RBFOX1: variants seen among roughly 807,000 people sequenced by gnomAD.
RBFOX1 encodes RNA binding fox-1 homolog 1.
Under a neutral mutation model 57.7 loss-of-function variants are expected in RBFOX1, and 8 were observed. The observed-to-expected ratio is 0.14, with a 90% CI of 0.08 to 0.25. The LOEUF (loss-of-function observed/expected upper bound fraction) is 0.25, where lower values mean the gene tolerates loss of function less well. RBFOX1 is among the 10% of genes least tolerant of loss of function. The pLI is 1.00. For missense variants in RBFOX1, 611 were observed against 548.5 expected, an observed-to-expected ratio of 1.11 and a Z score of -1.14; for synonymous variants, 326 against 222.4, an observed-to-expected ratio of 1.47 and a Z score of -4.15.
intron 5 of RBFOX1, among the ~76,000 whole-genome samples, chr16:7,560,895 T>G (rs960735214): frequency 1.3e-5 from 2 of 152,212 alleles, no homozygotes; most frequent in African/African-American, 4.8e-5. Context: ...GAATAAGACT[T>G]TTTTCAAGAA....
chr16:6,519,815 T>G (rs1598760056), intron 2 of RBFOX1, among the ~76,000 whole-genome samples: 1 of 152,224 alleles, frequency 6.6e-6, no homozygotes, highest in East Asian at 1.9e-4. Flanking sequence ...GTCTAAGGTC[T>G]TCATTATCTC....
intron 2 of RBFOX1, among the ~76,000 whole-genome samples, chr16:6,526,829 C>CAAAAAAAAAAA (rs541468859): frequency 2.4e-4 from 8 of 32,890 alleles, no homozygotes; most frequent in African/African-American, 7.6e-4. Context: ...GACTCTGTCT[C>CAAAAAAAAAAA]AAAAAAAAAA....
chr16:7,664,098 G>C (rs1333410068), intron 12 of RBFOX1, among the ~76,000 whole-genome samples: 1 of 152,172 alleles, frequency 6.6e-6, no homozygotes, highest in African/African-American at 2.4e-5. Context: ...ACGTGAACAT[G>C]CAGATATTCA....
intron 4 of RBFOX1, among the ~76,000 whole-genome samples, chr16:7,097,472 C>T (rs955413807): frequency 6.6e-6 from 1 of 152,110 alleles, no homozygotes; most frequent in African/African-American, 2.4e-5. Flanking sequence ...CAGAGGAGGA[C>T]AGTAAGAGAG....
intron 3 of RBFOX1, among the ~76,000 whole-genome samples, chr16:6,947,433 C>A (rs546333761): frequency 3.4e-4 from 51 of 152,218 alleles, no homozygotes; most frequent in Admixed American, 2.0e-3. Flanking sequence ...TGGAGACTGG[C>A]TTCAACTGGC....
intron 1 of RBFOX1, among the ~76,000 whole-genome samples, chr16:6,275,914 C>T (rs938119014): frequency 1.3e-5 from 2 of 152,218 alleles, no homozygotes; most frequent in East Asian, 3.9e-4. Flanking sequence ...ACTTCCCTCC[C>T]CAGTTGATAC....
At chr16:6,457,438 T>TA (rs757540836) in intron 2 of RBFOX1, among the ~76,000 whole-genome samples, 12 of 54,288 alleles carry the variant, frequency 2.2e-4, no homozygotes, top group African/African-American at 8.0e-4. Flanking sequence ...TTTCCGGAAG[T>TA]CCCCCCCCCC....
At chr16:7,053,566 A>C (rs185435717) in intron 4 of RBFOX1, among the ~76,000 whole-genome samples, 261 of 152,322 alleles carry the variant, frequency 1.7e-3, no homozygotes, top group African/African-American at 6.0e-3. Context: ...GAATTAAGAT[A>C]ATATTGAAAT....
chr16:7,399,040 T>C (rs1379693604), intron 4 of RBFOX1, among the ~76,000 whole-genome samples: 1 of 152,258 alleles, frequency 6.6e-6, no homozygotes, highest in Non-Finnish European at 1.5e-5. Flanking sequence ...TGAGTGACTG[T>C]TGGGTACTCT....
chr16:6,682,337 C>G (rs918386632), intron 3 of RBFOX1, among the ~76,000 whole-genome samples: 1 of 152,116 alleles, frequency 6.6e-6, no homozygotes, highest in Non-Finnish European at 1.5e-5. Flanking sequence ...AGAGGCGCCC[C>G]TTGTGCTTGT....
intron 2 of RBFOX1, among the ~76,000 whole-genome samples, chr16:6,374,574 G>C (rs114397369): frequency 6.6e-5 from 10 of 152,260 alleles, no homozygotes; most frequent in African/African-American, 2.4e-4. Flanking sequence ...GAAGACAAAT[G>C]CTGTGTAATG....
intron 3 of RBFOX1, among the ~76,000 whole-genome samples, chr16:6,843,860 C>G (rs1357321536): frequency 6.6e-6 from 1 of 152,162 alleles, no homozygotes; most frequent in African/African-American, 2.4e-5. Flanking sequence ...ACTGTTCCCT[C>G]AATATCTTCA....
At chr16:7,477,067 G>T (rs1312932494) in intron 4 of RBFOX1, among the ~76,000 whole-genome samples, 1 of 152,048 alleles carries the variant, frequency 6.6e-6, no homozygotes, top group Non-Finnish European at 1.5e-5. Context: ...TTAACAGCAA[G>T]TTTCTTTATT....
At chr16:7,594,073 C>G (rs752302525) in intron 7 of RBFOX1, among the ~76,000 whole-genome samples, 15 of 151,936 alleles carry the variant, frequency 9.9e-5, no homozygotes, top group Non-Finnish European at 1.6e-4. Context: ...TTTGCTGCAC[C>G]CATCAACTAG....
intron 14 of RBFOX1, among the ~76,000 whole-genome samples, chr16:7,696,396 A>G (rs2078801992): frequency 6.6e-6 from 1 of 152,048 alleles, no homozygotes; most frequent in Admixed American, 6.6e-5. Flanking sequence ...AAGGGAGTAA[A>G]TGATTTTCCC....
intron 2 of RBFOX1, among the ~76,000 whole-genome samples, chr16:6,414,106 T>A (rs1187198287): frequency 6.6e-6 from 1 of 152,144 alleles, no homozygotes; most frequent in Non-Finnish European, 1.5e-5. Context: ...TGGAGGAAGA[T>A]GCCTCCCAAG....
chr16:7,549,078 T>A (rs1480783315), intron 5 of RBFOX1, among the ~76,000 whole-genome samples: 1 of 152,182 alleles, frequency 6.6e-6, no homozygotes, highest in African/African-American at 2.4e-5. Flanking sequence ...AGAGGCGACA[T>A]TTAAGCCGAT....
At chr16:6,723,182 A>G (rs2066388766) in intron 3 of RBFOX1, among the ~76,000 whole-genome samples, 4 of 152,222 alleles carry the variant, frequency 2.6e-5, no homozygotes. Flanking sequence ...GCAGTGTAAT[A>G]TAGTGGATAA....
rs1435064810 is a variant in RBFOX1 at position 6,863,672 on chromosome 16, A to AAG, written c.-15-188384_-15-188383insGA. On this transcript the variant is annotated intron_variant, in intron 3 of 15. Coordinates refer to ENST00000550418, the MANE Select transcript of RBFOX1 (RefSeq NM_018723.4). ...AAGGTTCTGTTTTTTTTTTTCCTTA[A>AAG]AAAAAAAAAAAGAAAAAAAGAAATG... Among the ~76,000 whole-genome samples, 6 of 145,486 alleles carry AAG rather than the reference A, an allele frequency of 4.1e-5. 1 individual carries two copies. The highest frequency in any genetic ancestry group is 6.0e-5 in the Non-Finnish European group (4 of 66,536).
Sources: allele counts gnomAD v4.1 joint callset (sites outside exome capture counted in the v4.1 genomes callset), GRCh38; gene constraint gnomAD v4.1.1; transcripts MANE v1.5; gene names NCBI Gene and HGNC (gene_info 2026-07-23, HGNC 2026-07-21).